The following SLC25A21 variants were observed in gnomAD, a reference collection of about 807,000 sequenced individuals.
The protein encoded by SLC25A21 is solute carrier family 25 member 21.
A neutral mutation model predicts 43.8 loss-of-function variants in SLC25A21; 47 were observed. The observed-to-expected ratio is 1.07, with a 90% CI of 0.85 to 1.37. SLC25A21 has a LOEUF of 1.37. Among genes scored for constraint, SLC25A21 ranks in the 40% most tolerant of loss-of-function variants. The pLI is 0.00. For synonymous variants in SLC25A21, 131 were observed against 121.3 expected (o/e 1.08, Z -0.52); for missense variants, 352 against 350.2 (o/e 1.00, Z -0.04).
Position 36,680,294 on chromosome 14 carries a change from C to T in SLC25A21, c.*364G>A. 1.0e-6 allele frequency: 1 copy of T among 974,904 alleles called. No individual in the cohort carries two copies. The highest frequency in any genetic ancestry group is 2.0e-5 in the African/African-American group (1 of 49,982). 60.4% of individuals were successfully genotyped at this position (974,904 alleles called of 1,614,324 possible). A position where few individuals can be genotyped will look rare whatever the true frequency, so the allele number is the denominator to read the frequency against. ...TTCAATAGTTTAAGCATTTCTAGACCTCTTAGGAAAAATGCTGATCAATAC... is the reference window on the plus strand; with the variant it reads ...TTCAATAGTTTAAGCATTTCTAGACTTCTTAGGAAAAATGCTGATCAATAC... On this transcript the variant is annotated 3_prime_UTR_variant, in exon 10 of 10. Transcript: ENST00000331299.
At chr14:36,967,865 T>C (rs1363906657) in intron 1 of SLC25A21, among the ~76,000 whole-genome samples, 2 of 152,156 alleles carry the variant, frequency 1.3e-5, no homozygotes, top group Non-Finnish European at 2.9e-5. Flanking sequence ...TGTGTGCGTG[T>C]GGGTGTAATA....
chr14:36,724,827 A>G (rs1387550420), intron 6 of SLC25A21, among the ~76,000 whole-genome samples: 1 of 152,110 alleles, frequency 6.6e-6, no homozygotes, highest in African/African-American at 2.4e-5. Context: ...TGTAGTGGGG[A>G]AAGGAGTGAG....
chr14:37,001,851 GTTT>G (rs986999024), intron 1 of SLC25A21, among the ~76,000 whole-genome samples: 1 of 152,004 alleles, frequency 6.6e-6, no homozygotes, highest in Non-Finnish European at 1.5e-5. Context: ...CCTCCAAAAA[GTTT>G]TTGTCAATGT....
At position 36,832,381 on chromosome 14, in the gene SLC25A21, T is replaced by C. The variant is rs191816819; in HGVS notation, c.120-18380A>G. On this transcript the variant is annotated intron_variant, in intron 2 of 9. Coordinates refer to ENST00000331299, the MANE Select transcript of SLC25A21 (RefSeq NM_030631.4). Reference sequence around the variant, plus strand: ...AGGACAAGAGACAAAAACTGGAAAGTTTGGGTCGTATGGATCATGGCAGCA... The same window carrying C: ...AGGACAAGAGACAAAAACTGGAAAGCTTGGGTCGTATGGATCATGGCAGCA... Among the ~76,000 whole-genome samples, 906 of 152,136 alleles carry C rather than the reference T, an allele frequency of 6.0e-3. 6 individuals are homozygous for C. The highest frequency in any genetic ancestry group is 0.012 in the Admixed American group (183 of 15,282).
intron 1 of SLC25A21, among the ~76,000 whole-genome samples, chr14:37,116,040 T>G (rs145024238): frequency 6.6e-6 from 1 of 152,098 alleles, no homozygotes; most frequent in Non-Finnish European, 1.5e-5. Flanking sequence ...CAGGGAACAA[T>G]CCTGCTTTAA....
At chr14:36,729,390 G>A in intron 5 of SLC25A21, 117 bp downstream of exon 5, 1 of 785,138 alleles carries the variant, frequency 1.3e-6, no homozygotes, top group Non-Finnish European at 2.0e-6. Context: ...GCTGAACACT[G>A]AATAACTCGA....
intron 1 of SLC25A21, among the ~76,000 whole-genome samples, chr14:36,960,865 C>T (rs563675485): frequency 1.5e-4 from 23 of 152,328 alleles, no homozygotes; most frequent in African/African-American, 5.3e-4. Flanking sequence ...TGGTGCCACT[C>T]TCATTATATG....
intron 2 of SLC25A21, among the ~76,000 whole-genome samples, chr14:36,833,437 A>T (rs559100326): frequency 6.6e-6 from 1 of 152,320 alleles, no homozygotes; most frequent in Admixed American, 6.5e-5. Flanking sequence ...AGGGCTGATA[A>T]CCTTTTTCTA....
intron 1 of SLC25A21, among the ~76,000 whole-genome samples, chr14:37,107,024 G>A (rs1301482347): frequency 6.6e-6 from 1 of 152,044 alleles, no homozygotes; most frequent in African/African-American, 2.4e-5. Flanking sequence ...GTAATTTCAG[G>A]TATAGATATT....
At position 37,134,964 on chromosome 14, in the gene SLC25A21, G is replaced by A. The variant is rs555156950; in HGVS notation, c.70+37317C>T. On this transcript the variant is annotated intron_variant, in intron 1 of 9. Coordinates refer to ENST00000331299, the MANE Select transcript of SLC25A21 (RefSeq NM_030631.4). ...TTTTTTTGAGACCGAGTCTCACTCC[G>A]TCACCCAGGCTGGAGTGCAGTGGCA... Among the ~76,000 whole-genome samples, 22 of 147,080 alleles carry A rather than the reference G, an allele frequency of 1.5e-4. No homozygotes were observed. The South Asian group carries it at 2.6e-3, about 17-fold the overall frequency.
At chr14:36,932,894 C>G (rs1373366161) in intron 1 of SLC25A21, among the ~76,000 whole-genome samples, 5 of 151,904 alleles carry the variant, frequency 3.3e-5, no homozygotes, top group African/African-American at 9.7e-5. Flanking sequence ...ATAATAAGGC[C>G]TACTTCTGGT....
chr14:37,077,655 T>C (rs1391339271), intron 1 of SLC25A21, among the ~76,000 whole-genome samples: 1 of 152,210 alleles, frequency 6.6e-6, no homozygotes, highest in African/African-American at 2.4e-5. Flanking sequence ...TTAGCAATCT[T>C]AGATGGGTAG....
At chr14:36,796,689 C>A (rs574571672) in intron 3 of SLC25A21, among the ~76,000 whole-genome samples, 1 of 152,182 alleles carries the variant, frequency 6.6e-6, no homozygotes, top group East Asian at 1.9e-4. Flanking sequence ...CATTTCCAGA[C>A]CCTGTTTGGT....
intron 2 of SLC25A21, among the ~76,000 whole-genome samples, chr14:36,854,666 G>T (rs1889845005): frequency 6.6e-6 from 1 of 152,156 alleles, no homozygotes; most frequent in Admixed American, 6.6e-5. Context: ...AGTTGTGCTT[G>T]GGAAATAATA....
intron 1 of SLC25A21, among the ~76,000 whole-genome samples, chr14:37,113,853 CAAAAAAAAAA>C (rs34321762): frequency 8.4e-6 from 1 of 119,378 alleles, no homozygotes; most frequent in African/African-American, 3.2e-5. Flanking sequence ...GACTCTGTCT[CAAAAAAAAAA>C]AAAAAAAGAA....
chr14:37,123,443 C>T (rs923488044), intron 1 of SLC25A21, among the ~76,000 whole-genome samples: 1 of 152,204 alleles, frequency 6.6e-6, no homozygotes, highest in African/African-American at 2.4e-5. Flanking sequence ...CAATGTGTCA[C>T]CCATGCTGTT....
At chr14:36,701,694 T>C (rs1226146547) in intron 7 of SLC25A21, among the ~76,000 whole-genome samples, 1 of 152,216 alleles carries the variant, frequency 6.6e-6, no homozygotes, top group Non-Finnish European at 1.5e-5. Context: ...TGTATATACC[T>C]ATATATTCAG....
At chr14:36,762,106 A>G (rs369731625) in intron 3 of SLC25A21, among the ~76,000 whole-genome samples, 1 of 152,220 alleles carries the variant, frequency 6.6e-6, no homozygotes, top group African/African-American at 2.4e-5. Context: ...CGAAGGCAAC[A>G]CCACCAATGC....
At chr14:37,098,077 T>A (rs1962736565) in intron 1 of SLC25A21, 1 of 152,140 alleles carries the variant, frequency 6.6e-6, no homozygotes, top group East Asian at 1.9e-4. Context: ...AAGATATACA[T>A]GCAATTTCAG....
Sources: gnomAD v4.1 joint callset for allele counts (sites outside exome capture counted in the v4.1 genomes callset) on GRCh38, gnomAD v4.1.1 for gene constraint, MANE v1.5 for transcripts, NCBI Gene and HGNC (gene_info 2026-07-23, HGNC 2026-07-21) for gene names.